The following GRID1 variants were observed in gnomAD, a reference collection of about 807,000 sequenced individuals.
GRID1 encodes glutamate ionotropic receptor delta type subunit 1, also known as glutamate receptor ionotropic, delta-1.
GRID1 carries 28 observed loss-of-function variants against 98.0 expected under a neutral mutation model. That is an observed-to-expected ratio of 0.29 (90% CI 0.21 to 0.39). The LOEUF is 0.39. GRID1 is among the 10% of genes least tolerant of loss of function. GRID1 has a pLI of 1.00. For synonymous variants in GRID1, 553 were observed against 538.5 expected (o/e 1.03, Z -0.37); for missense variants, 1,111 against 1,340.5 (o/e 0.83, Z 2.67).
intron 4 of GRID1, among the ~76,000 whole-genome samples, chr10:86,104,634 C>A (rs1263228715): frequency 6.6e-6 from 1 of 152,228 alleles, no homozygotes; most frequent in East Asian, 1.9e-4. Flanking sequence ...CCTCGGCAGA[C>A]TGAATGCCCA....
chr10:86,170,835 C>T (rs1466928167), intron 3 of GRID1, among the ~76,000 whole-genome samples: 1 of 152,218 alleles, frequency 6.6e-6, no homozygotes, highest in Admixed American at 6.5e-5. Flanking sequence ...TGGATCCGTG[C>T]TTCCTGTCTA....
At chr10:85,909,937 T>C (rs1223782541) in intron 5 of GRID1, among the ~76,000 whole-genome samples, 1 of 152,196 alleles carries the variant, frequency 6.6e-6, no homozygotes, top group African/African-American at 2.4e-5. Context: ...GCTGTTACTT[T>C]TTCAGTAATA....
chr10:86,070,319 G>A (rs958819953), intron 4 of GRID1, among the ~76,000 whole-genome samples: 2 of 152,172 alleles, frequency 1.3e-5, no homozygotes, highest in Non-Finnish European at 2.9e-5. Flanking sequence ...CACCCCTGAT[G>A]GGAGCAGGGT....
chr10:85,822,932 G>A (rs1182293298), intron 8 of GRID1, among the ~76,000 whole-genome samples: 2 of 152,116 alleles, frequency 1.3e-5, no homozygotes, highest in African/African-American at 2.4e-5. Context: ...GCAAACTATT[G>A]CAAGGACAAA....
intron 8 of GRID1, among the ~76,000 whole-genome samples, chr10:85,758,871 A>G (rs927585472): frequency 8.5e-5 from 13 of 152,194 alleles, no homozygotes; most frequent in African/African-American, 3.1e-4. Flanking sequence ...AAGCTGGTGG[A>G]ACAGACTCCA....
chr10:85,631,000 A>G (rs190292795), intron 13 of GRID1, among the ~76,000 whole-genome samples: 5 of 152,336 alleles, frequency 3.3e-5, no homozygotes, highest in Admixed American at 3.3e-4. Context: ...CAAGGCTACT[A>G]AAAACAAATT....
At chr10:85,861,847 T>C (rs1298941704) in intron 6 of GRID1, among the ~76,000 whole-genome samples, 2 of 152,180 alleles carry the variant, frequency 1.3e-5, no homozygotes, top group South Asian at 2.1e-4. Flanking sequence ...GAGGACTCAA[T>C]TGAGTGAGGA....
At chr10:86,109,739 C>T (rs1229578668) in intron 4 of GRID1, among the ~76,000 whole-genome samples, 1 of 152,130 alleles carries the variant, frequency 6.6e-6, no homozygotes, top group African/African-American at 2.4e-5. Context: ...GGGCCTTGAT[C>T]CTAACTGAAA....
At chr10:85,794,274 G>A (rs1842506203) in intron 8 of GRID1, among the ~76,000 whole-genome samples, 1 of 152,156 alleles carries the variant, frequency 6.6e-6, no homozygotes, top group Non-Finnish European at 1.5e-5. Context: ...AATATGATCA[G>A]TAACCTAATC....
chr10:85,861,054 C>G (rs1402496520), intron 6 of GRID1, among the ~76,000 whole-genome samples: 2 of 152,182 alleles, frequency 1.3e-5, no homozygotes, highest in Non-Finnish European at 2.9e-5. Context: ...TATGCAGCTT[C>G]CAGATTTCAA....
chr10:85,824,727 A>G (rs188997643), intron 8 of GRID1, among the ~76,000 whole-genome samples: 100 of 152,180 alleles, frequency 6.6e-4, no homozygotes, highest in African/African-American at 2.3e-3. Flanking sequence ...TGAGTCTCCA[A>G]TATCTATTAT....
chr10:85,908,943 A>G (rs1841498961), intron 5 of GRID1, among the ~76,000 whole-genome samples: 2 of 152,216 alleles, frequency 1.3e-5, no homozygotes, highest in African/African-American at 4.8e-5. Context: ...TAAACTTCAT[A>G]AAAATTTAAA....
Position 85,811,158 on chromosome 10 carries a change from A to G in GRID1, c.1233+43338T>C, listed in dbSNP as rs546768369. Reference sequence around the variant, plus strand: ...ACTAACATGGATTACATCTGAAGAAACTGCACTACTTTATGTACCAAGAAC... The same window carrying G: ...ACTAACATGGATTACATCTGAAGAAGCTGCACTACTTTATGTACCAAGAAC... On this transcript the variant is annotated intron_variant, in intron 8 of 15. Coordinates refer to ENST00000327946, the MANE Select transcript of GRID1 (RefSeq NM_017551.3). Among the ~76,000 whole-genome samples the G allele has an allele frequency of 2.6e-5, 4 of 152,280 alleles. No homozygotes were observed. The South Asian group carries it at 8.3e-4, about 32-fold the overall frequency.
intron 2 of GRID1, among the ~76,000 whole-genome samples, chr10:86,310,071 T>G (rs1422978341): frequency 6.6e-6 from 1 of 152,202 alleles, no homozygotes; most frequent in Non-Finnish European, 1.5e-5. Flanking sequence ...ACTGCTTGAA[T>G]CACTTCTGCT....
chr10:85,823,616 T>C (rs1479620935), intron 8 of GRID1, among the ~76,000 whole-genome samples: 2 of 151,936 alleles, frequency 1.3e-5, no homozygotes, highest in African/African-American at 4.8e-5. Context: ...ACTGATAATA[T>C]ATTTAAATGC....
chr10:86,078,509 A>T (rs537197024), intron 4 of GRID1, among the ~76,000 whole-genome samples: 2 of 152,144 alleles, frequency 1.3e-5, no homozygotes, highest in African/African-American at 4.8e-5. Context: ...TCACACTCTC[A>T]TCTCTCTGTC....
intron 2 of GRID1, among the ~76,000 whole-genome samples, chr10:86,289,966 GAGA>G (rs775224975): frequency 1.5e-4 from 23 of 152,226 alleles, no homozygotes; most frequent in Non-Finnish European, 2.9e-4. Flanking sequence ...AAGCCAATGA[GAGA>G]AGAAGAGAAA....
chr10:85,631,482 T>G lies in GRID1; in HGVS notation c.2194-11449A>C, dbSNP rs144273504. Among the ~76,000 whole-genome samples, 45 of 152,324 alleles carry G rather than the reference T, an allele frequency of 3.0e-4. No individual in the cohort carries two copies. The East Asian group carries it at 7.1e-3, about 24-fold the overall frequency. On this transcript the variant is annotated intron_variant, in intron 13 of 15. Coordinates refer to ENST00000327946, the MANE Select transcript of GRID1 (RefSeq NM_017551.3). ...TTTGGGGAGGAATAGTTTTGTTTAT[T>G]GAGCAAAAAATTGTCCTAGTAAAAT...
intron 8 of GRID1, among the ~76,000 whole-genome samples, chr10:85,797,173 G>A (rs1037013672): frequency 6.6e-6 from 1 of 151,946 alleles, no homozygotes; most frequent in Admixed American, 6.6e-5. Context: ...TATTGAAAAA[G>A]AGTTTTTTAA....
Sources: gnomAD v4.1 joint callset for allele counts (sites outside exome capture counted in the v4.1 genomes callset) on GRCh38, gnomAD v4.1.1 for gene constraint, MANE v1.5 for transcripts, NCBI Gene and HGNC (gene_info 2026-07-23, HGNC 2026-07-21) for gene names.